TMIE: variants seen among roughly 807,000 people sequenced by gnomAD.
The protein encoded by TMIE is transmembrane inner ear expressed protein.
Under a neutral mutation model 16.8 loss-of-function variants are expected in TMIE, and 14 were observed. That is an observed-to-expected ratio of 0.83 (90% CI 0.55 to 1.30). TMIE has a LOEUF of 1.30. TMIE is among the 50% of genes most tolerant of loss of function. The pLI is 0.00. For missense variants in TMIE, 204 were observed against 205.9 expected (o/e 0.99, Z 0.06); for synonymous variants, 75 against 87.2 (o/e 0.86, Z 0.78).
At chr3:46,700,991 C>T (rs979159395), upstream of TMIE, among the ~76,000 whole-genome samples, 1 of 151,952 alleles carries the variant, frequency 6.6e-6, no homozygotes, top group East Asian at 1.9e-4. Flanking sequence ...AAGCCCAGGA[C>T]ATCCCTGAGC....
At chr3:46,706,205 A>T (rs192815574) in intron 2 of TMIE, among the ~76,000 whole-genome samples, 3 of 152,032 alleles carry the variant, frequency 2.0e-5, no homozygotes, top group East Asian at 3.9e-4. Context: ...ATTTTTCCCT[A>T]TGGCTGGCCT....
chr3:46,702,774 C>G (rs1197230799), intron 1 of TMIE, among the ~76,000 whole-genome samples: 1 of 152,212 alleles, frequency 6.6e-6, no homozygotes, highest in East Asian at 1.9e-4. Context: ...TGTAGCCTGT[C>G]CCTGCTGTTG....
upstream of TMIE, among the ~76,000 whole-genome samples, chr3:46,701,037 C>CA (rs919460894): frequency 6.6e-6 from 1 of 151,824 alleles, no homozygotes; most frequent in African/African-American, 2.4e-5. The surrounding 1 kb of genome is among the most constrained non-coding windows in gnomAD (Gnocchi z 4.3). Flanking sequence ...CTCTGCCCCC[C>CA]CCCCAAACTC....
chr3:46,705,655 T>C (rs1175486552), intron 1 of TMIE, 135 bp from the exon 2 acceptor site: 1 of 760,582 alleles, frequency 1.3e-6, no homozygotes, highest in Non-Finnish European at 2.3e-6. Flanking sequence ...GTGTTGGTAG[T>C]GCATGCTTAA....
In TMIE at chr3:46,701,480, G is replaced by A; in HGVS notation, c.-8G>A. The A allele has an allele frequency of 7.4e-7, 1 of 1,360,180 alleles. No individual in the cohort carries two copies. The highest frequency in any genetic ancestry group is 9.4e-7 in the Non-Finnish European group (1 of 1,059,120). The allele number at this position is 1,360,180 out of a possible 1,614,324, so 84.3% of individuals were successfully genotyped here. ...CCTGGGCTCCGCAAGCGGCGCGGTG[G>A]CACGAAGATGGCGGGGTGGCCGGGC... On this transcript the variant is annotated 5_prime_UTR_variant, in exon 1 of 4. Transcript: ENST00000643606. This position sits in a 1 kb window ranked among gnomAD's most constrained non-coding sequence, Gnocchi z 4.3.
upstream of TMIE, among the ~76,000 whole-genome samples, chr3:46,698,197 C>T (rs562971569): frequency 4.6e-5 from 7 of 152,020 alleles, no homozygotes; most frequent in East Asian, 1.2e-3. Flanking sequence ...ACTACAGGCA[C>T]GTGCTACCGG....
At chr3:46,708,907 CG>C (rs1700585991) in intron 2 of TMIE, among the ~76,000 whole-genome samples, 1 of 152,218 alleles carries the variant, frequency 6.6e-6, no homozygotes. Context: ...CTTCCAAGCA[CG>C]GGGGCCTGTG....
At chr3:46,697,662 T>C (rs1700422639), upstream of TMIE, among the ~76,000 whole-genome samples, 1 of 152,028 alleles carries the variant, frequency 6.6e-6, no homozygotes, top group South Asian at 2.1e-4. Flanking sequence ...TGAAGCCAGT[T>C]GGTCAGAAGT....
chr3:46,706,509 G>T (rs1700554599), intron 2 of TMIE, among the ~76,000 whole-genome samples: 2 of 152,234 alleles, frequency 1.3e-5, no homozygotes, highest in South Asian at 4.1e-4. Flanking sequence ...AGTTGGGGAA[G>T]GGGACAGAAA....
At chr3:46,701,375 C>T (rs1700473155), upstream of TMIE, 2 of 778,010 alleles carry the variant, frequency 2.6e-6, no homozygotes, top group Non-Finnish European at 1.9e-6. This position sits in a 1 kb window ranked among gnomAD's most constrained non-coding sequence, Gnocchi z 4.3. Flanking sequence ...AAATGATGCT[C>T]GCTGACTACC....
chr3:46,701,218 A>C (rs1575467755), upstream of TMIE: 155 of 268,170 alleles, frequency 5.8e-4, no homozygotes, highest in East Asian at 1.6e-3. The surrounding 1 kb of genome is among the most constrained non-coding windows in gnomAD (Gnocchi z 4.3). Context: ...CCTCCCGCCC[A>C]CCCCCACCTC....
In TMIE at chr3:46,710,049, G is replaced by A. The variant is rs530955016; in HGVS notation, c.*361G>A. The stretch of plus-strand genomic sequence containing the variant: ...CTGTGAAGGAGTAATGGGATATGGG[G>A]TTACTTCAGCCACCCTTTCTGGCAC... On this transcript the variant is annotated 3_prime_UTR_variant, in exon 4 of 4. Transcript: ENST00000643606. 5 of 366,562 alleles carry A rather than the reference G, an allele frequency of 1.4e-5. No individual in the cohort carries two copies. Among genetic ancestry groups the A allele is most frequent in the African/African-American group, 6.3e-5 (3 of 47,582 alleles). The allele number at this position is 366,562 out of a possible 1,614,324, so 22.7% of individuals were successfully genotyped here. A position where few individuals can be genotyped will look rare whatever the true frequency, so the allele number is the denominator to read the frequency against.
chr3:46,705,222 A>G (rs992392818), intron 1 of TMIE, among the ~76,000 whole-genome samples: 1 of 152,096 alleles, frequency 6.6e-6, no homozygotes, highest in Non-Finnish European at 1.5e-5. Flanking sequence ...CCTTTTATTT[A>G]TCCAGTGCCT....
At chr3:46,700,448 G>A (rs1031288211), upstream of TMIE, among the ~76,000 whole-genome samples, 10 of 152,186 alleles carry the variant, frequency 6.6e-5, no homozygotes, top group Admixed American at 2.0e-4. Flanking sequence ...GCCTGCGCAG[G>A]CCTTCACCAG....
upstream of TMIE, among the ~76,000 whole-genome samples, chr3:46,698,526 A>T (rs1354460659): frequency 6.6e-6 from 1 of 151,282 alleles, no homozygotes; most frequent in Admixed American, 6.6e-5. Context: ...GGCTCAAATG[A>T]TCCTCCTGCC....
chr3:46,696,230 C>T (rs1700410880), intron 1 of TMIE, among the ~76,000 whole-genome samples: 1 of 152,220 alleles, frequency 6.6e-6, no homozygotes, highest in East Asian at 1.9e-4. Context: ...TATGCGTGTG[C>T]AGATCATGTG....
rs1279882920 is a variant in TMIE at position 46,709,576 on chromosome 3, C to T, written c.362-3C>T. Reference sequence around the variant, plus strand: ...CACATGGTCTCTTCCCCCTGCCCCACAGAGGATAAGAAGAAGAAGAAGAAG... The same window carrying T: ...CACATGGTCTCTTCCCCCTGCCCCATAGAGGATAAGAAGAAGAAGAAGAAG... On this transcript the variant is annotated splice_polypyrimidine_tract_variant and splice_region_variant and intron_variant, in intron 3 of 3. Transcript: ENST00000643606. The T allele has an allele frequency of 6.4e-7, 1 of 1,569,264 alleles. No homozygotes were observed. The highest frequency in any genetic ancestry group is 8.6e-7 in the Non-Finnish European group (1 of 1,165,658).
upstream of TMIE, among the ~76,000 whole-genome samples, chr3:46,699,060 A>ATTTTTTTTTT (rs397951323): frequency 2.9e-4 from 25 of 84,866 alleles, no homozygotes; most frequent in Non-Finnish European, 3.6e-4. Context: ...GGTGTTTCTT[A>ATTTTTTTTTT]TTTTTTTTTT....
chr3:46,701,039 C>G (rs137993228), upstream of TMIE, among the ~76,000 whole-genome samples: 832 of 151,928 alleles, frequency 5.5e-3, 9 homozygotes, highest in African/African-American at 0.018. The surrounding 1 kb of genome is among the most constrained non-coding windows in gnomAD (Gnocchi z 4.3). Context: ...CTGCCCCCCC[C>G]CCAAACTCAA....
Sources: allele counts gnomAD v4.1 joint callset (sites outside exome capture counted in the v4.1 genomes callset), GRCh38; gene constraint gnomAD v4.1.1; non-coding constraint Gnocchi (gnomAD v3.1); transcripts MANE v1.5; gene names NCBI Gene and HGNC (gene_info 2026-07-23, HGNC 2026-07-21).